RGS7: variants seen among roughly 807,000 people sequenced by gnomAD.
The protein encoded by RGS7 is regulator of G-protein signaling 7.
A neutral mutation model predicts 81.1 loss-of-function variants in RGS7; 27 were observed. The ratio of observed to expected loss-of-function variants is 0.33; its 90% CI spans 0.25 to 0.46. The LOEUF is 0.46. Among genes scored for constraint, RGS7 ranks in the 20% least tolerant of loss-of-function variants. The probability of loss-of-function intolerance (pLI) is 1.00; values close to 1 mark genes in which losing one functional copy is unlikely to be tolerated. For synonymous variants in RGS7, 208 were observed against 207.7 expected, an observed-to-expected ratio of 1.00 and a Z score of -0.01; for missense variants, 396 against 607.4, an observed-to-expected ratio of 0.65 and a Z score of 3.66.
chr1:241,014,800 T>C (rs182096772), intron 3 of RGS7, among the ~76,000 whole-genome samples: 1 of 152,330 alleles, frequency 6.6e-6, no homozygotes, highest in East Asian at 1.9e-4. Flanking sequence ...TGAGGACGAA[T>C]ACATCATTCC....
chr1:240,824,993 G>C (rs983773928), intron 10 of RGS7, among the ~76,000 whole-genome samples: 2 of 152,132 alleles, frequency 1.3e-5, no homozygotes, highest in African/African-American at 4.8e-5. Flanking sequence ...CCCTGATCTC[G>C]AACTTCTAGT....
chr1:241,186,382 G>A, intron 2 of RGS7: 1 of 373,242 alleles, frequency 2.7e-6, no homozygotes. Context: ...TTTTGATTAA[G>A]TCCAATTTAT....
chr1:241,326,408 G>A (rs1288112913), intron 2 of RGS7, among the ~76,000 whole-genome samples: 1 of 152,112 alleles, frequency 6.6e-6, no homozygotes, highest in Non-Finnish European at 1.5e-5. Flanking sequence ...GAATCCTCCA[G>A]CTATACCACC....
intron 3 of RGS7, among the ~76,000 whole-genome samples, chr1:241,052,113 C>T (rs1470688721): frequency 6.6e-6 from 1 of 152,124 alleles, no homozygotes; most frequent in East Asian, 1.9e-4. Context: ...AGAACATTTT[C>T]CAAGAGCCTA....
chr1:240,920,195 A>G, intron 6 of RGS7: 1 of 1,111,336 alleles, frequency 9.0e-7, no homozygotes, highest in Admixed American at 1.7e-5. Context: ...AAGCCCTGTC[A>G]AAGCAAGAGA....
intron 2 of RGS7, among the ~76,000 whole-genome samples, chr1:241,273,762 C>T (rs191634428): frequency 3.0e-4 from 45 of 152,294 alleles, no homozygotes; most frequent in Admixed American, 1.8e-3. Context: ...CCCTAGACTT[C>T]AGCAGCCCTC....
chr1:241,292,090 A>T (rs1483563256), intron 2 of RGS7, among the ~76,000 whole-genome samples: 1 of 152,058 alleles, frequency 6.6e-6, no homozygotes, highest in Non-Finnish European at 1.5e-5. Flanking sequence ...GTCTTGTCCT[A>T]CTGGAAGGTC....
Position 240,886,890 on chromosome 1 carries a change from T to G in RGS7, c.386-16771A>C, listed in dbSNP as rs553558130. ...AGATATTCTAGAACATGCCATGTGGTATAATAGAAGGAACAATGGCCCATG... is the reference window on the plus strand; with the variant it reads ...AGATATTCTAGAACATGCCATGTGGGATAATAGAAGGAACAATGGCCCATG... On this transcript the variant is annotated intron_variant, in intron 6 of 18. Transcript: ENST00000440928. 2.0e-5 allele frequency among the ~76,000 whole-genome samples: 3 copies of G among 152,334 alleles called. No homozygotes were observed. In the South Asian group the frequency reaches 6.2e-4, roughly 32 times the overall value.
intron 2 of RGS7, among the ~76,000 whole-genome samples, chr1:241,198,828 G>GT (rs1195331572): frequency 6.6e-6 from 1 of 152,060 alleles, no homozygotes; most frequent in Non-Finnish European, 1.5e-5. Flanking sequence ...TTTTCCAGCT[G>GT]TTTTTTTGAG....
chr1:241,097,717 T>A (rs1236158300), intron 3 of RGS7, among the ~76,000 whole-genome samples: 1 of 152,112 alleles, frequency 6.6e-6, no homozygotes, highest in Non-Finnish European at 1.5e-5. Context: ...GCCCCAAAAC[T>A]GGCACTTTCA....
chr1:240,859,728 C>T (rs548176559), intron 9 of RGS7, among the ~76,000 whole-genome samples: 226 of 152,028 alleles, frequency 1.5e-3, no homozygotes, highest in Middle Eastern at 6.8e-3. Context: ...TAATTTTTAT[C>T]ATTTCTTCTC....
chr1:241,341,651 C>T (rs924079629), intron 2 of RGS7, among the ~76,000 whole-genome samples: 5 of 151,934 alleles, frequency 3.3e-5, no homozygotes, highest in African/African-American at 7.3e-5. Context: ...CCAGTAACAA[C>T]GGCTAACACT....
intron 2 of RGS7, among the ~76,000 whole-genome samples, chr1:241,104,714 T>C (rs1392898085): frequency 6.6e-6 from 1 of 152,242 alleles, no homozygotes; most frequent in Non-Finnish European, 1.5e-5. Context: ...GAATATGTAT[T>C]GCTGAACTCA....
At chr1:241,181,521 T>C (rs191276039) in intron 2 of RGS7, among the ~76,000 whole-genome samples, 17 of 152,354 alleles carry the variant, frequency 1.1e-4, no homozygotes, top group Middle Eastern at 3.4e-3. Context: ...TCTGATCCTG[T>C]TTCTTAGCAT....
intron 2 of RGS7, among the ~76,000 whole-genome samples, chr1:241,266,640 TA>T (rs1471367582): frequency 6.6e-6 from 1 of 152,240 alleles, no homozygotes; most frequent in Non-Finnish European, 1.5e-5. Context: ...ATGTATTTTA[TA>T]AAGATTTCTG....
chr1:241,002,981 T>C (rs551925217), intron 3 of RGS7, among the ~76,000 whole-genome samples: 2 of 152,340 alleles, frequency 1.3e-5, no homozygotes, highest in Non-Finnish European at 1.5e-5. Flanking sequence ...ATACACTTGT[T>C]AGTTTCTTTG....
At chr1:241,340,127 C>T (rs1292482001) in intron 2 of RGS7, among the ~76,000 whole-genome samples, 2 of 152,236 alleles carry the variant, frequency 1.3e-5, no homozygotes, top group South Asian at 4.1e-4. Flanking sequence ...ATTCAAATTC[C>T]CATCCCTAAT....
At chr1:241,147,908 A>T (rs2068462425) in intron 2 of RGS7, among the ~76,000 whole-genome samples, 1 of 144,620 alleles carries the variant, frequency 6.9e-6, no homozygotes, top group South Asian at 2.2e-4. Flanking sequence ...CATTTTTTTC[A>T]CTTAACAAAT....
intron 2 of RGS7, among the ~76,000 whole-genome samples, chr1:241,115,443 C>T (rs1430608092): frequency 6.6e-6 from 1 of 152,210 alleles, no homozygotes; most frequent in African/African-American, 2.4e-5. Context: ...TTTCAGGAGG[C>T]ATTTATCCTT....
Sources: allele counts gnomAD v4.1 joint callset (sites outside exome capture counted in the v4.1 genomes callset), GRCh38; gene constraint gnomAD v4.1.1; transcripts MANE v1.5; gene names NCBI Gene and HGNC (gene_info 2026-07-23, HGNC 2026-07-21).